FOXK1: variants seen among roughly 807,000 people sequenced by gnomAD.
The protein encoded by FOXK1 is forkhead box protein K1.
A neutral mutation model predicts 51.9 loss-of-function variants in FOXK1; 19 were observed. The ratio of observed to expected loss-of-function variants is 0.37; its 90% CI spans 0.26 to 0.54. The LOEUF is 0.54. Among genes scored for constraint, FOXK1 ranks in the 20% least tolerant of loss-of-function variants. The pLI is 0.87. For synonymous variants in FOXK1, 537 were observed against 482.6 expected, an observed-to-expected ratio of 1.11 and a Z score of -1.48; for missense variants, 870 against 1,032.7, an observed-to-expected ratio of 0.84 and a Z score of 2.16.
intron 2 of FOXK1, among the ~76,000 whole-genome samples, chr7:4,744,140 A>G (rs893335090): frequency 4.6e-5 from 7 of 152,148 alleles, no homozygotes. Context: ...AAATAAAACT[A>G]TTTCCCAGTG....
chr7:4,753,341 G>T lies in FOXK1; in HGVS notation c.747-1118G>T, dbSNP rs894528540. 2.0e-5 allele frequency among the ~76,000 whole-genome samples: 3 copies of T among 152,142 alleles called. No homozygotes were observed. Among genetic ancestry groups the T allele is most frequent in the African/African-American group, 7.2e-5 (3 of 41,438 alleles). Reference sequence around the variant, plus strand: ...AGGAGTCTTGTGCCTGGACAGTTAGGGAAGGATGTTCCTGGCAGAGGAAAG... The same window carrying T: ...AGGAGTCTTGTGCCTGGACAGTTAGTGAAGGATGTTCCTGGCAGAGGAAAG... On this transcript the variant is annotated intron_variant, in intron 2 of 8. Transcript: ENST00000328914. The surrounding 1 kb of genome is among the most constrained non-coding windows in gnomAD (Gnocchi z 4.9).
chr7:4,717,917 G>T (rs1780256802), intron 1 of FOXK1, among the ~76,000 whole-genome samples: 1 of 152,152 alleles, frequency 6.6e-6, no homozygotes, highest in Admixed American at 6.5e-5. Flanking sequence ...AAAAGTGGGA[G>T]AATATTAAGC....
At chr7:4,700,758 A>C (rs1223861916) in intron 1 of FOXK1, among the ~76,000 whole-genome samples, 1 of 152,120 alleles carries the variant, frequency 6.6e-6, no homozygotes, top group Non-Finnish European at 1.5e-5. Flanking sequence ...TCAAGGCTGC[A>C]GTGAGCTATA....
In FOXK1 at chr7:4,761,410, A is replaced by T; in HGVS notation, c.1921+122A>T. 1 of 991,292 alleles carries T rather than the reference A, an allele frequency of 1.0e-6. No individual in the cohort carries two copies. The highest frequency in any genetic ancestry group is 1.5e-6 in the Non-Finnish European group (1 of 668,914). The allele number at this position is 991,292 out of a possible 1,614,324, so 61.4% of individuals were successfully genotyped here. ...CTCCACTCAGTTCAATTTATTGAGC[A>T]CCTGCTATACTCCAGGCACTGGGGT... On this transcript the variant is annotated intron_variant, in intron 8 of 8. Coordinates refer to ENST00000328914, the MANE Select transcript of FOXK1 (RefSeq NM_001037165.2). The surrounding 1 kb of genome is among the most constrained non-coding windows in gnomAD (Gnocchi z 6.2).
chr7:4,747,253 G>A lies in FOXK1; in HGVS notation c.746+6230G>A, dbSNP rs28516690. Among the ~76,000 whole-genome samples the A allele has an allele frequency of 0.011, 1,693 of 151,916 alleles. 38 individuals are homozygous for A. Among genetic ancestry groups the A allele is most frequent in the African/African-American group, 0.038 (1,571 of 41,534 alleles). On this transcript the variant is annotated intron_variant, in intron 2 of 8. Transcript: ENST00000328914. This position sits in a 1 kb window ranked among gnomAD's most constrained non-coding sequence, Gnocchi z 9.2. The stretch of plus-strand genomic sequence containing the variant: ...GCTTCTGTGCGGGCATGTTACGCAC[G>A]AGGACAGCCCTTTCCGGGTTCCATG...
chr7:4,694,213 G>T (rs1779926070), intron 1 of FOXK1, among the ~76,000 whole-genome samples: 2 of 152,100 alleles, frequency 1.3e-5, no homozygotes, highest in South Asian at 4.1e-4. Flanking sequence ...AGACATTGTT[G>T]TGTGGGATTT....
chr7:4,735,807 T>G lies in FOXK1; in HGVS notation c.561-5031T>G, dbSNP rs1011447834. On this transcript the variant is annotated intron_variant, in intron 1 of 8. Transcript: ENST00000328914. This position sits in a 1 kb window ranked among gnomAD's most constrained non-coding sequence, Gnocchi z 4.7. ...AGAGCCCTGCACCTCCATCAAGATA[T>G]TACAGGGAGAGATGTAACTGGCAAA... Among the ~76,000 whole-genome samples, 7 of 152,112 alleles carry G rather than the reference T, an allele frequency of 4.6e-5. No individual in the cohort carries two copies. Among genetic ancestry groups the G allele is most frequent in the African/African-American group, 1.7e-4 (7 of 41,426 alleles).
rs6463033 is a variant in FOXK1 at position 4,758,902 on chromosome 7, G to C, written c.1245-149G>C. 0.028 allele frequency: 21,955 copies of C among 787,462 alleles called. 3,319 individuals carry two copies. In the African/African-American group the frequency reaches 0.33, roughly 12 times the overall value. The allele number at this position is 787,462 out of a possible 1,614,324, so 48.8% of individuals were successfully genotyped here. On this transcript the variant is annotated intron_variant, in intron 5 of 8. Coordinates refer to ENST00000328914, the MANE Select transcript of FOXK1 (RefSeq NM_001037165.2). This position sits in a 1 kb window ranked among gnomAD's most constrained non-coding sequence, Gnocchi z 4.4. ...TTTAAAGGCTGGGTTCAGGTTACGG[G>C]GGCGTTTCTCACCGTCTGAATGCGG...
rs1211942469 is a variant in FOXK1, at chr7:4,759,403, A to T, written c.1504A>T (p.Ile502Phe). 1 of 1,601,636 alleles carries T rather than the reference A, an allele frequency of 6.2e-7. No individual in the cohort carries two copies. Among genetic ancestry groups the T allele is most frequent in the Non-Finnish European group, 8.5e-7 (1 of 1,178,628 alleles). Residue 502 changes from isoleucine (I) to phenylalanine (F), a missense_variant, in exon 7 of 9, where the codon ATC becomes TTC. Physicochemically the swap from Ile to Phe is conservative, Grantham distance 21. Transcript: ENST00000328914. ...GCCCGTGGCCTACATGCCCGCCTCCATCGTAACCTCACAGCAGCCCGCGGG... is the reference window on the plus strand; with the variant it reads ...GCCCGTGGCCTACATGCCCGCCTCCTTCGTAACCTCACAGCAGCCCGCGGG... ...AKPVAYMPAS[I>F]VTSQQPAGHA...
Position 4,762,442 on chromosome 7 carries a change from AG to A in FOXK1, c.2184del (p.Pro729GlnfsTer79). On this transcript the variant is annotated frameshift_variant, in exon 9 of 9. Coordinates refer to ENST00000328914, the MANE Select transcript of FOXK1 (RefSeq NM_001037165.2). LOFTEE classifies it high-confidence loss of function. This position sits in a 1 kb window ranked among gnomAD's most constrained non-coding sequence, Gnocchi z 5.7. Reference sequence around the variant, plus strand: ...GGAGTGATCGCAGCTGCCGGCCCCCAGGGGCCAGGCACCGGGGAGTGAGGTC... The same window carrying A: ...GGAGTGATCGCAGCTGCCGGCCCCCAGGGCCAGGCACCGGGGAGTGAGGTC... ...PAGVIAAAGP[Q>X]GPGTGE 6.5e-7 allele frequency: 1 copy of A among 1,545,484 alleles called. No individual in the cohort carries two copies. Among genetic ancestry groups the A allele is most frequent in the Admixed American group, 2.0e-5 (1 of 51,092 alleles).
intron 1 of FOXK1, among the ~76,000 whole-genome samples, chr7:4,698,718 A>C (rs948536727): frequency 6.6e-6 from 1 of 151,844 alleles, no homozygotes; most frequent in Non-Finnish European, 1.5e-5. Flanking sequence ...ACGCCCTGCT[A>C]ATTTTTTTGT....
At chr7:4,750,414 T>G (rs1235594446) in intron 2 of FOXK1, among the ~76,000 whole-genome samples, 1 of 151,716 alleles carries the variant, frequency 6.6e-6, no homozygotes, top group African/African-American at 2.4e-5. Context: ...CAGGAGGAAA[T>G]GTGTGCACGT....
intron 2 of FOXK1, among the ~76,000 whole-genome samples, chr7:4,744,014 A>C (rs977741206): frequency 6.6e-6 from 1 of 151,996 alleles, no homozygotes; most frequent in African/African-American, 2.4e-5. Flanking sequence ...GTAGGTGGGA[A>C]TACAGGCACA....
chr7:4,710,146 T>A (rs933208568), intron 1 of FOXK1, among the ~76,000 whole-genome samples: 1 of 152,252 alleles, frequency 6.6e-6, no homozygotes, highest in Non-Finnish European at 1.5e-5. Flanking sequence ...TGTGACTGAC[T>A]GTTTTGATGA....
Position 4,762,543 on chromosome 7 carries a change from C to T in FOXK1, c.*79C>T. The T allele has an allele frequency of 7.0e-7, 1 of 1,420,792 alleles. No homozygotes were observed. The highest frequency in any genetic ancestry group is 9.4e-7 in the Non-Finnish European group (1 of 1,063,004). 88.0% of individuals were successfully genotyped at this position (1,420,792 alleles called of 1,614,324 possible). On this transcript the variant is annotated 3_prime_UTR_variant, in exon 9 of 9. Transcript: ENST00000328914. This position sits in a 1 kb window ranked among gnomAD's most constrained non-coding sequence, Gnocchi z 5.7. ...GACCCGGCAGCTCAGGCGGCCGCAC[C>T]CACAGACGGAGGAGAACAGCCCGCG... is the stretch of plus-strand genomic sequence containing the variant.
rs1445430392 is a variant in FOXK1, at chr7:4,722,097, T to G, written c.561-18741T>G. On this transcript the variant is annotated intron_variant, in intron 1 of 8. Transcript: ENST00000328914. This position sits in a 1 kb window ranked among gnomAD's most constrained non-coding sequence, Gnocchi z 5.1. Reference sequence around the variant, plus strand: ...CCTCATGCCTGTGGGTGGGACGTGCTAGAGGAGGGGACTTTGGTGGGGCCT... The same window carrying G: ...CCTCATGCCTGTGGGTGGGACGTGCGAGAGGAGGGGACTTTGGTGGGGCCT... Among the ~76,000 whole-genome samples the G allele has an allele frequency of 1.3e-5, 2 of 152,146 alleles. No individual in the cohort carries two copies. Among genetic ancestry groups the G allele is most frequent in the Non-Finnish European group, 2.9e-5 (2 of 68,028 alleles).
rs1780954089 is a variant in FOXK1 at position 4,762,783 on chromosome 7, C to T, written c.*319C>T. The T allele has an allele frequency of 2.8e-6, 1 of 351,414 alleles. No homozygotes were observed. Among genetic ancestry groups the T allele is most frequent in the East Asian group, 6.1e-5 (1 of 16,396 alleles). The allele number at this position is 351,414 out of a possible 1,614,324, so 21.8% of individuals were successfully genotyped here. On this transcript the variant is annotated 3_prime_UTR_variant, in exon 9 of 9. Transcript: ENST00000328914. The surrounding 1 kb of genome is among the most constrained non-coding windows in gnomAD (Gnocchi z 5.7). Reference sequence around the variant, plus strand: ...TGGGGAGGAGGTTGGAGCTCAGCATCTTGAGGAATGTGTCAAGACAGCCCC... The same window carrying T: ...TGGGGAGGAGGTTGGAGCTCAGCATTTTGAGGAATGTGTCAAGACAGCCCC...
chr7:4,682,491 TCCGGGCGCGATC>T lies in FOXK1; in HGVS notation c.184_195del (p.Pro62_Ile65del). 1 of 1,011,368 alleles carries T rather than the reference TCCGGGCGCGATC, an allele frequency of 9.9e-7. No homozygotes were observed. The allele number at this position is 1,011,368 out of a possible 1,614,324, so 62.6% of individuals were successfully genotyped here. On this transcript the variant is annotated inframe_deletion, in exon 1 of 9. Transcript: ENST00000328914. This position sits in a 1 kb window ranked among gnomAD's most constrained non-coding sequence, Gnocchi z 7.6. ...CGCCGCCGCCGCCACCGCCGCTGCC[TCCGGGCGCGATC>T]GCGGGCGCGGGCTCCTCCGGGGGCT...
chr7:4,761,230 C>A lies in FOXK1; in HGVS notation c.1863C>A (p.Ala621=), dbSNP rs141919434. 2 of 1,613,146 alleles carry A rather than the reference C, an allele frequency of 1.2e-6. No homozygotes were observed. Among genetic ancestry groups the A allele is most frequent in the Admixed American group, 3.3e-5 (2 of 60,026 alleles). The change falls in exon 8 of 9, where the codon GCC becomes GCA. Residue 621 remains alanine (A), a synonymous_variant. Transcript: ENST00000328914. The surrounding 1 kb of genome is among the most constrained non-coding windows in gnomAD (Gnocchi z 6.2). ...GGCAGCACCACCTTCCAGTCCGGGCCGTGACCCAGAACGGAAAGCATGCGG... is the reference window on the plus strand; with the variant it reads ...GGCAGCACCACCTTCCAGTCCGGGCAGTGACCCAGAACGGAAAGCATGCGG... ...TLGQHHLPVR[A]VTQNGKHAVP... is the part of the protein sequence containing the mutation.
Sources: gnomAD v4.1 joint callset for allele counts (sites outside exome capture counted in the v4.1 genomes callset) on GRCh38, gnomAD v4.1.1 for gene constraint, Gnocchi (gnomAD v3.1) non-coding constraint, MANE v1.5 for transcripts, NCBI Gene and HGNC (gene_info 2026-07-23, HGNC 2026-07-21) for gene names.